Variants in ZFP2 observed in about 807,000 individuals in gnomAD.
ZFP2 encodes zinc finger protein ZFP2.
ZFP2 carries 33 observed loss-of-function variants against 36.1 expected under a neutral mutation model. The ratio of observed to expected loss-of-function variants is 0.92; its 90% CI spans 0.69 to 1.22. The LOEUF is 1.22. Ranked by LOEUF, ZFP2 falls within the 50% of genes most tolerant of loss-of-function variation. The probability of loss-of-function intolerance (pLI) is 0.00; values close to 1 mark genes in which losing one functional copy is unlikely to be tolerated. For missense variants in ZFP2, 522 were observed against 551.4 expected, an observed-to-expected ratio of 0.95 and a Z score of 0.53; for synonymous variants, 170 against 178.0, an observed-to-expected ratio of 0.96 and a Z score of 0.36.
intron 4 of ZFP2, among the ~76,000 whole-genome samples, chr5:178,927,155 T>TAC (rs1388434445): frequency 6.6e-6 from 1 of 152,172 alleles, no homozygotes; most frequent in Non-Finnish European, 1.5e-5. Context: ...TCTGAGTAGC[T>TAC]ACAAGGTCCT....
chr5:178,896,421 C>T (rs970217625), intron 1 of ZFP2, among the ~76,000 whole-genome samples: 10 of 152,196 alleles, frequency 6.6e-5, no homozygotes, highest in Non-Finnish European at 1.5e-4. Flanking sequence ...CGAACCTAAC[C>T]CGCGGACATC....
chr5:178,924,127 A>T (rs1357496892), intron 4 of ZFP2, among the ~76,000 whole-genome samples: 1 of 149,122 alleles, frequency 6.7e-6, no homozygotes, highest in African/African-American at 2.4e-5. Context: ...TAATCCCAGC[A>T]CTTTTTGAGG....
At chr5:178,896,042 T>A (rs1441987366) in intron 1 of ZFP2, 68 bp downstream of exon 1, 1 of 152,170 alleles carries the variant, frequency 6.6e-6, no homozygotes, top group Non-Finnish European at 1.5e-5. Context: ...CAGGAGGAGC[T>A]CCGGATTGCG....
chr5:178,908,070 C>T (rs1430686700), intron 1 of ZFP2, among the ~76,000 whole-genome samples: 1 of 152,188 alleles, frequency 6.6e-6, no homozygotes, highest in Non-Finnish European at 1.5e-5. Context: ...CTGGCCTTGG[C>T]TCTCCAAGAG....
chr5:178,908,620 C>CAAA (rs59116418), intron 1 of ZFP2, among the ~76,000 whole-genome samples: 1 of 77,128 alleles, frequency 1.3e-5, no homozygotes, highest in African/African-American at 5.0e-5. Context: ...CTTCCCCTAC[C>CAAA]AAAAAAAAAA....
chr5:178,909,496 T>A (rs544341761), intron 1 of ZFP2, among the ~76,000 whole-genome samples: 2 of 152,328 alleles, frequency 1.3e-5, no homozygotes, highest in South Asian at 4.1e-4. Context: ...ATTGGCCCCC[T>A]GGTCCCACTT....
intron 2 of ZFP2, 126 bp downstream of exon 2, chr5:178,912,845 G>A: frequency 2.2e-6 from 2 of 900,512 alleles, no homozygotes; most frequent in Non-Finnish European, 2.7e-6. Flanking sequence ...TTTCTGTAGA[G>A]AATGGAAAAT....
At position 178,927,272 on chromosome 5, in the gene ZFP2, C is replaced by G. The variant is rs113170527; in HGVS notation, c.-77-3965C>G. Among the ~76,000 whole-genome samples the G allele has an allele frequency of 3.0e-3, 459 of 152,254 alleles. 5 individuals are homozygous for G. The highest frequency in any genetic ancestry group is 4.5e-3 in the Non-Finnish European group (308 of 68,022). On this transcript the variant is annotated intron_variant, in intron 4 of 4. Transcript: ENST00000361362. ...TAGGAAATGGTAGTATCCCTTAGGACTGTCTTACCCCTGTGAATAAATTAC... is the reference window on the plus strand; with the variant it reads ...TAGGAAATGGTAGTATCCCTTAGGAGTGTCTTACCCCTGTGAATAAATTAC...
chr5:178,919,048 C>T (rs1290799098), intron 4 of ZFP2, among the ~76,000 whole-genome samples: 2 of 152,186 alleles, frequency 1.3e-5, no homozygotes, highest in Non-Finnish European at 2.9e-5. Context: ...ATATTGGTCA[C>T]ACTTCTGGAA....
chr5:178,911,356 C>T (rs1758294703), intron 1 of ZFP2, among the ~76,000 whole-genome samples: 1 of 152,118 alleles, frequency 6.6e-6, no homozygotes, highest in Admixed American at 6.5e-5. Context: ...CAAATTTGAA[C>T]TACACAGGCC....
intron 1 of ZFP2, among the ~76,000 whole-genome samples, chr5:178,910,952 A>G (rs1235173807): frequency 6.6e-6 from 1 of 152,018 alleles, no homozygotes; most frequent in Non-Finnish European, 1.5e-5. Flanking sequence ...AAAGCGAACC[A>G]TTGGTGTTTG....
Position 178,931,386 on chromosome 5 carries a change from C to T in ZFP2, c.73C>T (p.Gln25Ter), listed in dbSNP as rs1758833399. 2 of 1,613,922 alleles carry T rather than the reference C, an allele frequency of 1.2e-6. No homozygotes were observed. Among genetic ancestry groups the T allele is most frequent in the Non-Finnish European group, 1.7e-6 (2 of 1,179,994 alleles). Residue 25 changes from glutamine (Q) to a stop codon, truncating the protein, a stop_gained, in exon 5 of 5, where the codon CAG becomes TAG. Transcript: ENST00000361362. LOFTEE classifies it high-confidence loss of function. ...WEPNNWLEGQ[Q>*]DSHLSQVGVT... ...ACCTAATAATTGGTTAGAGGGACAA[C>T]AGGATAGTCATCTGAGCCAAGTGGG...
chr5:178,929,949 G>T (rs965861968), intron 4 of ZFP2, among the ~76,000 whole-genome samples: 3 of 150,158 alleles, frequency 2.0e-5, no homozygotes, highest in African/African-American at 7.3e-5. Context: ...CGGTGGGGGG[G>T]GGGGCTCAGG....
At chr5:178,905,671 A>G (rs1017328143) in intron 1 of ZFP2, among the ~76,000 whole-genome samples, 3 of 152,218 alleles carry the variant, frequency 2.0e-5, no homozygotes, top group African/African-American at 7.2e-5. Flanking sequence ...CTAAATGGAA[A>G]GGAGGAAAGG....
At position 178,916,709 on chromosome 5, in the gene ZFP2, A is replaced by G. The variant is rs560404971; in HGVS notation, c.-79A>G. On this transcript the variant is annotated splice_region_variant and 5_prime_UTR_variant, in exon 4 of 5. In the 5' UTR this introduces an upstream ATG that the reference lacks. Coordinates refer to ENST00000361362, the MANE Select transcript of ZFP2 (RefSeq NM_030613.4). ...CACTTACTTGACACAAAACATCTAT[A>G]GGTAAGTACTGGTACTCCTCTTACG... 3.9e-5 allele frequency: 38 copies of G among 985,456 alleles called. No individual in the cohort carries two copies. Among genetic ancestry groups the G allele is most frequent in the Non-Finnish European group, 4.6e-5 (38 of 829,934 alleles). The allele number at this position is 985,456 out of a possible 1,614,324, so 61.0% of individuals were successfully genotyped here. A position where few individuals can be genotyped will look rare whatever the true frequency, so the allele number is the denominator to read the frequency against.
chr5:178,912,377 T>G (rs1041147532), intron 1 of ZFP2, among the ~76,000 whole-genome samples: 5 of 152,162 alleles, frequency 3.3e-5, no homozygotes, highest in African/African-American at 1.2e-4. Context: ...TCCTTATTTC[T>G]CACTTATACC....
chr5:178,904,696 C>CTTT lies in ZFP2; in HGVS notation c.-449-7868_-449-7866dup, dbSNP rs1195032566. On this transcript the variant is annotated intron_variant, in intron 1 of 4. Coordinates refer to ENST00000361362, the MANE Select transcript of ZFP2 (RefSeq NM_030613.4). ...ATTTGTTGTCTCAGAATTCATTTTG[C>CTTT]TTTTTTTTTTTTTTTTTTTTTTGAG... Among the ~76,000 whole-genome samples the CTTT allele has an allele frequency of 4.6e-3, 410 of 88,678 alleles. 2 individuals are homozygous for CTTT. Among genetic ancestry groups the CTTT allele is most frequent in the Non-Finnish European group, 6.1e-3 (279 of 45,470 alleles). 58.2% of individuals were successfully genotyped at this position (88,678 alleles called of 152,430 possible).
In ZFP2 at chr5:178,912,689, C is replaced by G. The variant is rs1392936760; in HGVS notation, c.-344C>G. On this transcript the variant is annotated 5_prime_UTR_variant, in exon 2 of 5. Transcript: ENST00000361362. The stretch of plus-strand genomic sequence containing the variant: ...GATGACCGTGTATGGGGAGGTGATG[C>G]TGGAGAACTACAGGAACCCGGTCTC... The G allele has an allele frequency of 7.5e-6, 8 of 1,063,948 alleles. No individual in the cohort carries two copies. The highest frequency in any genetic ancestry group is 9.3e-6 in the Non-Finnish European group (8 of 863,632). 65.9% of individuals were successfully genotyped at this position (1,063,948 alleles called of 1,614,324 possible).
intron 4 of ZFP2, among the ~76,000 whole-genome samples, chr5:178,917,177 T>C (rs1226877736): frequency 4.6e-5 from 7 of 152,210 alleles, no homozygotes; most frequent in Non-Finnish European, 1.0e-4. Flanking sequence ...ATGAAGGAGA[T>C]AAAAATTAAG....
Sources: allele counts gnomAD v4.1 joint callset (sites outside exome capture counted in the v4.1 genomes callset), GRCh38; gene constraint gnomAD v4.1.1; transcripts MANE v1.5; gene names NCBI Gene and HGNC (gene_info 2026-07-23, HGNC 2026-07-21).